The following RALGAPA1 variants were observed in gnomAD, a reference collection of about 807,000 sequenced individuals.
RALGAPA1 encodes the protein Ral GTPase activating protein catalytic subunit alpha 1, also known as ral GTPase-activating protein subunit alpha-1.
RALGAPA1 carries 52 observed loss-of-function variants against 269.6 expected under a neutral mutation model. That is an observed-to-expected ratio of 0.19 (90% CI 0.15 to 0.24). The LOEUF is 0.24. Ranked by LOEUF, RALGAPA1 falls within the 10% of genes least tolerant of loss-of-function variation. The probability of loss-of-function intolerance (pLI) is 1.00; values close to 1 mark genes in which losing one functional copy is unlikely to be tolerated. For synonymous variants in RALGAPA1, 817 were observed against 1,008.3 expected, an observed-to-expected ratio of 0.81 and a Z score of 3.60; for missense variants, 1,917 against 3,013.9, an observed-to-expected ratio of 0.64 and a Z score of 8.52.
At chr14:35,607,699 G>A (rs1179805783) in intron 35 of RALGAPA1, among the ~76,000 whole-genome samples, 1 of 152,196 alleles carries the variant, frequency 6.6e-6, no homozygotes, top group Admixed American at 6.5e-5. Context: ...AGGTTATAAG[G>A]ACAAAGAACT....
intron 31 of RALGAPA1, among the ~76,000 whole-genome samples, chr14:35,641,155 T>C (rs1047437458): frequency 1.3e-5 from 2 of 152,106 alleles, no homozygotes; most frequent in African/African-American, 4.8e-5. Flanking sequence ...GCAGAGAAAC[T>C]GAAATCCTTT....
At chr14:35,710,959 C>T (rs186847937) in intron 16 of RALGAPA1, among the ~76,000 whole-genome samples, 14 of 152,316 alleles carry the variant, frequency 9.2e-5, no homozygotes, top group African/African-American at 2.9e-4. Context: ...CTACGATGTT[C>T]GCACACTGAA....
intron 1 of RALGAPA1, among the ~76,000 whole-genome samples, chr14:35,786,318 T>C (rs2075790898): frequency 6.6e-6 from 1 of 152,060 alleles, no homozygotes; most frequent in African/African-American, 2.4e-5. Context: ...GGAAGTGGCA[T>C]CATCTCCACT....
intron 41 of RALGAPA1, among the ~76,000 whole-genome samples, chr14:35,544,104 T>G (rs770273636): frequency 6.6e-6 from 1 of 152,216 alleles, no homozygotes; most frequent in African/African-American, 2.4e-5. Context: ...GAGAATTGAT[T>G]AATTTGCATT....
intron 35 of RALGAPA1, among the ~76,000 whole-genome samples, chr14:35,606,351 A>G (rs372471374): frequency 1.3e-5 from 2 of 152,300 alleles, no homozygotes; most frequent in African/African-American, 4.8e-5. Flanking sequence ...TCTGTACAAC[A>G]TGTTACTGTA....
At chr14:35,636,535 A>G (rs1299062972) in intron 31 of RALGAPA1, among the ~76,000 whole-genome samples, 2 of 152,046 alleles carry the variant, frequency 1.3e-5, no homozygotes, top group Admixed American at 6.5e-5. Context: ...TTTAATTTTT[A>G]TTTTTGAGAC....
intron 41 of RALGAPA1, among the ~76,000 whole-genome samples, chr14:35,544,823 G>T (rs1404290114): frequency 2.6e-5 from 4 of 152,168 alleles, no homozygotes; most frequent in African/African-American, 9.7e-5. Flanking sequence ...GAGGTGGGTG[G>T]ATTACCTGAG....
chr14:35,749,574 A>T (rs1595420445), intron 9 of RALGAPA1, among the ~76,000 whole-genome samples: 1 of 152,262 alleles, frequency 6.6e-6, no homozygotes, highest in East Asian at 1.9e-4. Context: ...AATGACCTCA[A>T]ATATACCTTT....
intron 3 of RALGAPA1, among the ~76,000 whole-genome samples, chr14:35,772,557 A>G (rs1009893362): frequency 2.6e-5 from 4 of 152,172 alleles, no homozygotes; most frequent in East Asian, 3.8e-4. Flanking sequence ...CACTTGCTGA[A>G]TGACATTTTT....
intron 30 of RALGAPA1, among the ~76,000 whole-genome samples, chr14:35,653,091 T>C (rs1474886285): frequency 6.6e-6 from 1 of 152,182 alleles, no homozygotes; most frequent in African/African-American, 2.4e-5. Context: ...GGGAAAAGCA[T>C]GAACTTTGGA....
chr14:35,571,703 AACCACC>A (rs528167038), intron 38 of RALGAPA1, among the ~76,000 whole-genome samples: 1 of 151,380 alleles, frequency 6.6e-6, no homozygotes, highest in Non-Finnish European at 1.5e-5. Context: ...ACCAAAACAA[AACCACC>A]ACCACCACCA....
At chr14:35,588,483 TTAATAGAAAA>T in intron 37 of RALGAPA1, among the ~76,000 whole-genome samples, 1 of 152,342 alleles carries the variant, frequency 6.6e-6, no homozygotes, top group South Asian at 2.1e-4. Context: ...AAAAGTCATT[TTAATAGAAAA>T]TAATCTACTT....
chr14:35,724,300 T>C (rs998304779), intron 14 of RALGAPA1, among the ~76,000 whole-genome samples: 1 of 152,122 alleles, frequency 6.6e-6, no homozygotes, highest in Non-Finnish European at 1.5e-5. Flanking sequence ...AAATGGCTAA[T>C]ATATGAAAAA....
intron 4 of RALGAPA1, 38 bp from the exon 5 acceptor site, chr14:35,762,791 T>C: frequency 8.1e-7 from 1 of 1,228,106 alleles, no homozygotes; most frequent in South Asian, 1.2e-5. Context: ...TCACATCTTA[T>C]CTATTTGTAA....
chr14:35,708,494 G>A (rs2068008173), intron 16 of RALGAPA1, among the ~76,000 whole-genome samples: 2 of 152,108 alleles, frequency 1.3e-5, no homozygotes, highest in African/African-American at 2.4e-5. Context: ...ACAGGTATGC[G>A]AAAAGGTGCT....
chr14:35,691,467 C>A (rs1414259717), intron 17 of RALGAPA1, among the ~76,000 whole-genome samples: 3 of 152,108 alleles, frequency 2.0e-5, no homozygotes, highest in African/African-American at 4.8e-5. Flanking sequence ...AGGCTTCTTG[C>A]ACAAAAGTTA....
intron 35 of RALGAPA1, among the ~76,000 whole-genome samples, chr14:35,610,495 G>C (rs2059864682): frequency 6.6e-6 from 1 of 152,024 alleles, no homozygotes; most frequent in East Asian, 1.9e-4. Flanking sequence ...TGTTAGCCAG[G>C]ATGGTTTTGA....
intron 14 of RALGAPA1, among the ~76,000 whole-genome samples, chr14:35,724,316 C>T (rs1399309083): frequency 6.6e-6 from 1 of 152,012 alleles, no homozygotes; most frequent in Non-Finnish European, 1.5e-5. Flanking sequence ...AAAAAAAACT[C>T]CAACCAATTT....
At chr14:35,744,371 CAAA>C (rs34442349) in intron 10 of RALGAPA1, among the ~76,000 whole-genome samples, 1 of 139,642 alleles carries the variant, frequency 7.2e-6, no homozygotes, top group Non-Finnish European at 1.5e-5. Flanking sequence ...GACTCCATCT[CAAA>C]AAAAAAAAAA....
Sources: gnomAD v4.1 joint callset for allele counts (sites outside exome capture counted in the v4.1 genomes callset) on GRCh38, gnomAD v4.1.1 for gene constraint, MANE v1.5 for transcripts, NCBI Gene and HGNC (gene_info 2026-07-23, HGNC 2026-07-21) for gene names.